Variants in ARHGEF38 observed in about 807,000 individuals in gnomAD.
ARHGEF38 encodes Rho guanine nucleotide exchange factor (GEF) 38.
In ARHGEF38, 79 loss-of-function variants were observed where a neutral mutation model predicts 79.9. The ratio of observed to expected loss-of-function variants is 0.99; its 90% CI spans 0.82 to 1.19. The LOEUF (loss-of-function observed/expected upper bound fraction) is 1.19. Ranked by LOEUF, ARHGEF38 falls within the 50% of genes most tolerant of loss-of-function variation. The probability of loss-of-function intolerance (pLI) is 0.00; values close to 1 mark genes in which losing one functional copy is unlikely to be tolerated. For missense variants in ARHGEF38, 962 were observed against 907.2 expected (o/e 1.06, Z -0.78); for synonymous variants, 366 against 328.3 (o/e 1.11, Z -1.24).
intron 2 of ARHGEF38, among the ~76,000 whole-genome samples, chr4:105,590,074 AG>A: frequency 9.1e-6 from 1 of 109,554 alleles, no homozygotes; most frequent in South Asian, 3.5e-4. Flanking sequence ...AAAGAAAGAA[AG>A]AAGGAAGGAA....
At chr4:105,574,549 CAAA>C (rs749100591) in intron 1 of ARHGEF38, among the ~76,000 whole-genome samples, 2 of 27,834 alleles carry the variant, frequency 7.2e-5, no homozygotes, top group Admixed American at 3.8e-4. Context: ...GACTCCATCT[CAAA>C]AAAAAAAAAA....
chr4:105,640,401 T>A (rs1211203261), intron 5 of ARHGEF38, among the ~76,000 whole-genome samples: 1 of 152,174 alleles, frequency 6.6e-6, no homozygotes, highest in Non-Finnish European at 1.5e-5. Context: ...TTTCTTTGTA[T>A]TAACAATTAA....
chr4:105,626,733 T>A (rs1243466071), intron 3 of ARHGEF38, among the ~76,000 whole-genome samples: 1 of 152,104 alleles, frequency 6.6e-6, no homozygotes, highest in African/African-American at 2.4e-5. Context: ...AAACACAATC[T>A]GGTCAGTTAC....
intron 7 of ARHGEF38, among the ~76,000 whole-genome samples, chr4:105,651,710 A>G (rs1730111993): frequency 6.6e-6 from 1 of 152,112 alleles, no homozygotes; most frequent in Admixed American, 6.6e-5. Context: ...GCTAGAGTGT[A>G]GTGCCATTAT....
chr4:105,616,881 G>T (rs1244310256), intron 3 of ARHGEF38, among the ~76,000 whole-genome samples: 1 of 152,194 alleles, frequency 6.6e-6, no homozygotes, highest in Non-Finnish European at 1.5e-5. Flanking sequence ...TGCTTAAGGT[G>T]TGTTTACATT....
chr4:105,561,455 G>GAATAGAATAC (rs1725571158), intron 1 of ARHGEF38: 1 of 64,258 alleles, frequency 1.6e-5, no homozygotes, highest in Non-Finnish European at 3.2e-5. Flanking sequence ...GAATGGAATA[G>GAATAGAATAC]AATAGAATAG....
intron 1 of ARHGEF38, among the ~76,000 whole-genome samples, chr4:105,588,669 T>C (rs916284260): frequency 6.6e-6 from 1 of 152,240 alleles, no homozygotes; most frequent in Non-Finnish European, 1.5e-5. Context: ...GTATAAAAGA[T>C]GAACCATGAA....
intron 10 of ARHGEF38, among the ~76,000 whole-genome samples, chr4:105,664,900 C>T (rs1277330584): frequency 6.6e-6 from 1 of 152,116 alleles, no homozygotes; most frequent in East Asian, 1.9e-4. Flanking sequence ...ATCCTTATCT[C>T]ATTTTCTTCC....
chr4:105,665,669 CA>C (rs1232450086), intron 10 of ARHGEF38, among the ~76,000 whole-genome samples: 1 of 152,148 alleles, frequency 6.6e-6, no homozygotes, highest in Non-Finnish European at 1.5e-5. Flanking sequence ...TTCTTGGGCA[CA>C]AGCAGTCTTC....
At chr4:105,656,529 G>A (rs995778168) in intron 9 of ARHGEF38, among the ~76,000 whole-genome samples, 12 of 152,106 alleles carry the variant, frequency 7.9e-5, no homozygotes, top group Non-Finnish European at 1.5e-5. Flanking sequence ...AAACATGCTT[G>A]AGCCAATAAC....
chr4:105,630,216 C>A (rs1729124141), intron 3 of ARHGEF38, among the ~76,000 whole-genome samples: 1 of 150,894 alleles, frequency 6.6e-6, no homozygotes. Flanking sequence ...CAGCCTGACT[C>A]AAATCCGTGC....
intron 1 of ARHGEF38, among the ~76,000 whole-genome samples, chr4:105,574,502 A>G (rs1336100143): frequency 6.7e-6 from 1 of 149,132 alleles, no homozygotes; most frequent in Non-Finnish European, 1.5e-5. Context: ...GTGAGCCGAG[A>G]TGGTGCCATT....
At chr4:105,558,619 C>T (rs918621219) in intron 1 of ARHGEF38, among the ~76,000 whole-genome samples, 21 of 151,918 alleles carry the variant, frequency 1.4e-4, no homozygotes, top group African/African-American at 4.8e-4. Context: ...TTTTACTTTC[C>T]TATTTTTTTC....
At chr4:105,609,746 T>C (rs1030059376) in intron 2 of ARHGEF38, among the ~76,000 whole-genome samples, 26 of 152,116 alleles carry the variant, frequency 1.7e-4, no homozygotes, top group African/African-American at 6.0e-4. Context: ...CTATTTGAAG[T>C]ATATCTTGCG....
intron 1 of ARHGEF38, among the ~76,000 whole-genome samples, chr4:105,567,218 T>G (rs996684751): frequency 1.3e-5 from 2 of 152,234 alleles, no homozygotes; most frequent in Admixed American, 6.5e-5. Flanking sequence ...TATGGCTGAA[T>G]AGTAAGTACT....
At chr4:105,653,900 T>C (rs1226752414) in intron 7 of ARHGEF38, among the ~76,000 whole-genome samples, 165 bp from the exon 8 acceptor site, 1 of 152,236 alleles carries the variant, frequency 6.6e-6, no homozygotes, top group East Asian at 1.9e-4. Flanking sequence ...AGTTGTGTTA[T>C]GTACCAACAG....
At chr4:105,585,743 T>TTTTTTG (rs1308418801) in intron 1 of ARHGEF38, among the ~76,000 whole-genome samples, 2 of 135,656 alleles carry the variant, frequency 1.5e-5, no homozygotes, top group African/African-American at 2.8e-5. Context: ...TTTTTTTTTT[T>TTTTTTG]TTTTTTGAGA....
In ARHGEF38 at chr4:105,630,888, CA is replaced by C. The variant is rs769261226; in HGVS notation, c.509-9del. On this transcript the variant is annotated splice_polypyrimidine_tract_variant and intron_variant, in intron 3 of 13. Coordinates refer to ENST00000420470, the MANE Select transcript of ARHGEF38 (RefSeq NM_001242729.2). ...ATGATGTCATTTTGCCTTTGTTTTG[CA>C]TTTATCAGGAGAAGTATTCTTGCAG... 3.8e-6 allele frequency: 6 copies of C among 1,597,516 alleles called. No individual in the cohort carries two copies. In the Admixed American group the frequency reaches 1.1e-4, roughly 28 times the overall value.
At chr4:105,631,262 G>T (rs1310650456) in intron 4 of ARHGEF38, 15 of 1,220,910 alleles carry the variant, frequency 1.2e-5, no homozygotes, top group Non-Finnish European at 1.5e-5. Context: ...CATGGAAGAA[G>T]ATTTAGAGCT....
Sources: gnomAD v4.1 joint callset for allele counts (sites outside exome capture counted in the v4.1 genomes callset) on GRCh38, gnomAD v4.1.1 for gene constraint, MANE v1.5 for transcripts, NCBI Gene and HGNC (gene_info 2026-07-23, HGNC 2026-07-21) for gene names.